Variants in SLC22A4 observed in about 807,000 individuals in gnomAD.
The protein encoded by SLC22A4 is solute carrier family 22 member 4.
A neutral mutation model predicts 56.6 loss-of-function variants in SLC22A4; 39 were observed. The observed-to-expected ratio is 0.69, with a 90% CI of 0.53 to 0.90. The LOEUF (loss-of-function observed/expected upper bound fraction) is 0.90, where lower values mean the gene tolerates loss of function less well. Ranked by LOEUF, SLC22A4 falls within the 40% of genes least tolerant of loss-of-function variation. The pLI is 0.00. For missense variants in SLC22A4, 594 were observed against 696.5 expected, an observed-to-expected ratio of 0.85 and a Z score of 1.66; for synonymous variants, 241 against 281.4, an observed-to-expected ratio of 0.86 and a Z score of 1.44.
chr5:132,308,182 A>G (rs188528355), intron 1 of SLC22A4, among the ~76,000 whole-genome samples: 22 of 152,078 alleles, frequency 1.4e-4, no homozygotes, highest in Middle Eastern at 3.4e-3. Context: ...GCAAGGGTGA[A>G]GTGGCCCAGA....
At chr5:132,305,037 G>A (rs1749992018) in intron 1 of SLC22A4, among the ~76,000 whole-genome samples, 1 of 152,184 alleles carries the variant, frequency 6.6e-6, no homozygotes, top group Admixed American at 6.5e-5. Flanking sequence ...TTAAGCCCAG[G>A]AGTTCAACCC....
intron 5 of SLC22A4, 77 bp downstream of exon 5, chr5:132,327,480 T>C: frequency 8.0e-7 from 1 of 1,244,602 alleles, no homozygotes; most frequent in Admixed American, 1.7e-5. Flanking sequence ...AATTCAATAT[T>C]TGTTAAGTGC....
chr5:132,297,969 T>G (rs1749817190), intron 1 of SLC22A4, among the ~76,000 whole-genome samples: 2 of 152,084 alleles, frequency 1.3e-5, no homozygotes, highest in Non-Finnish European at 2.9e-5. Context: ...TGTTGTTGTT[T>G]TTAAACACAG....
chr5:132,335,732 T>G, intron 7 of SLC22A4, 86 bp from the exon 8 acceptor site: 3 of 1,142,572 alleles, frequency 2.6e-6, no homozygotes, highest in South Asian at 1.2e-5. Flanking sequence ...GTACTCCCAC[T>G]GAAGCAAAAA....
In SLC22A4 at chr5:132,322,329, G is replaced by A. The variant is rs371002294; in HGVS notation, c.798G>A (p.Pro266=). The A allele has an allele frequency of 9.9e-6, 16 of 1,613,692 alleles. No individual in the cohort carries two copies. The highest frequency in any genetic ancestry group is 4.5e-5 in the East Asian group (2 of 44,880). ...WRMLLLALTV[P]GVLCVPLWWF... ...TGCTGCTGCTGGCGCTGACGGTGCC[G>A]GGAGTGCTGTGTGTCCCGCTGTGGT... Residue 266 remains proline, a synonymous_variant, in exon 4 of 10, where the codon CCG becomes CCA. Transcript: ENST00000200652.
intron 5 of SLC22A4, 75 bp from the exon 6 acceptor site, chr5:132,331,680 TC>T: frequency 6.9e-6 from 7 of 1,017,110 alleles, no homozygotes; most frequent in Non-Finnish European, 9.5e-6. Context: ...GCATAAGTTT[TC>T]CCCATGCATC....
chr5:132,340,520 G>A, intron 8 of SLC22A4, 45 bp from the exon 9 acceptor site: 1 of 1,592,824 alleles, frequency 6.3e-7, no homozygotes. Context: ...AGTGCCCAGA[G>A]AGTCCTCCTA....
At chr5:132,322,512 G>A (rs1326060335) in intron 4 of SLC22A4, among the ~76,000 whole-genome samples, 157 bp downstream of exon 4, 1 of 152,196 alleles carries the variant, frequency 6.6e-6, no homozygotes, top group Non-Finnish European at 1.5e-5. Context: ...CTCATTGTGG[G>A]TGGGCCTGTG....
At chr5:132,343,010 C>T (rs540902977) in intron 9 of SLC22A4, among the ~76,000 whole-genome samples, 12 of 152,318 alleles carry the variant, frequency 7.9e-5, no homozygotes, top group Non-Finnish European at 1.3e-4. Flanking sequence ...GACCAGCCCC[C>T]ACCCTGAAGC....
At chr5:132,320,524 G>T (rs1227678108) in intron 3 of SLC22A4, among the ~76,000 whole-genome samples, 1 of 152,224 alleles carries the variant, frequency 6.6e-6, no homozygotes, top group African/African-American at 2.4e-5. Context: ...TTTATAGGCT[G>T]AGCAATGCTC....
chr5:132,323,398 T>A (rs1343851183), intron 4 of SLC22A4, among the ~76,000 whole-genome samples: 1 of 152,224 alleles, frequency 6.6e-6, no homozygotes, highest in East Asian at 1.9e-4. Context: ...GCCACCTGTC[T>A]GACGAGATAG....
chr5:132,312,713 C>T (rs270608), intron 2 of SLC22A4, among the ~76,000 whole-genome samples: 108,343 of 152,166 alleles, frequency 0.71, 39,404 homozygotes, highest in African/African-American at 0.85. Context: ...GACCCTGGGC[C>T]AGGCACTGGG....
intron 3 of SLC22A4, among the ~76,000 whole-genome samples, chr5:132,317,556 G>A (rs186211874): frequency 1.2e-3 from 187 of 152,316 alleles, no homozygotes; most frequent in Non-Finnish European, 2.2e-3. Context: ...ATCAGTCATT[G>A]AACACCTGGG....
intron 3 of SLC22A4, among the ~76,000 whole-genome samples, chr5:132,320,346 G>C (rs1029666973): frequency 2.6e-5 from 4 of 152,198 alleles, no homozygotes; most frequent in Admixed American, 1.3e-4. Flanking sequence ...CTCTGCCACT[G>C]AATCTCTGCT....
intron 4 of SLC22A4, among the ~76,000 whole-genome samples, chr5:132,323,416 C>T (rs895196332): frequency 3.9e-5 from 6 of 152,214 alleles, no homozygotes; most frequent in Non-Finnish European, 8.8e-5. Context: ...TAGCGCAGGT[C>T]AGGTGGGCTC....
rs540201528 is a variant in SLC22A4 at position 132,341,901 on chromosome 5, C to T, written c.1580+1201C>T. On this transcript the variant is annotated intron_variant, in intron 9 of 9. Coordinates refer to ENST00000200652, the MANE Select transcript of SLC22A4 (RefSeq NM_003059.3). ...GGTGGATGTTGCAGTGAGCCGAAAT[C>T]GCGCCACTACACTCCAGTCTGCGTG... 1.6e-4 allele frequency among the ~76,000 whole-genome samples: 24 copies of T among 152,104 alleles called. No homozygotes were observed. In the South Asian group the frequency reaches 3.5e-3, roughly 22 times the overall value.
At chr5:132,336,690 T>C (rs908989176) in intron 8 of SLC22A4, among the ~76,000 whole-genome samples, 1 of 152,206 alleles carries the variant, frequency 6.6e-6, no homozygotes, top group Non-Finnish European at 1.5e-5. Context: ...AAAATGTATA[T>C]AAGTACATTT....
chr5:132,340,484 A>G, intron 8 of SLC22A4, 81 bp from the exon 9 acceptor site: 1 of 1,326,670 alleles, frequency 7.5e-7, no homozygotes, highest in Non-Finnish European at 1.1e-6. Context: ...TATACTGTTC[A>G]CCAACTTCAC....
In SLC22A4 at chr5:132,294,488, A is replaced by G. The variant is rs2055238766; in HGVS notation, c.-129A>G. 1 of 1,361,316 alleles carries G rather than the reference A, an allele frequency of 7.3e-7. No individual in the cohort carries two copies. Among genetic ancestry groups the G allele is most frequent in the Middle Eastern group, 2.5e-4 (1 of 4,016 alleles). The allele number at this position is 1,361,316 out of a possible 1,614,324, so 84.3% of individuals were successfully genotyped here. A position where few individuals can be genotyped will look rare whatever the true frequency, so the allele number is the denominator to read the frequency against. On this transcript the variant is annotated 5_prime_UTR_variant, in exon 1 of 10. Coordinates refer to ENST00000200652, the MANE Select transcript of SLC22A4 (RefSeq NM_003059.3). This position sits in a 1 kb window ranked among gnomAD's most constrained non-coding sequence, Gnocchi z 5.6. ...GGAACGGTCCCCGGCTTCGCGCCCC[A>G]ATTTCTAACAGCCTGCCTGTCCCCC... is the stretch of plus-strand genomic sequence containing the variant.
Sources: allele counts gnomAD v4.1 joint callset (sites outside exome capture counted in the v4.1 genomes callset), GRCh38; gene constraint gnomAD v4.1.1; non-coding constraint Gnocchi (gnomAD v3.1); transcripts MANE v1.5; gene names NCBI Gene and HGNC (gene_info 2026-07-23, HGNC 2026-07-21).